The following ASIC2 variants were observed in gnomAD, a reference collection of about 807,000 sequenced individuals.
The protein encoded by ASIC2 is acid-sensing ion channel 2.
ASIC2 carries 25 observed loss-of-function variants against 57.3 expected under a neutral mutation model. The ratio of observed to expected loss-of-function variants is 0.44; its 90% CI spans 0.32 to 0.61. ASIC2 has a LOEUF of 0.61. Among genes scored for constraint, ASIC2 ranks in the 20% least tolerant of loss-of-function variants. The probability of loss-of-function intolerance (pLI) is 0.06; values close to 1 mark genes in which losing one functional copy is unlikely to be tolerated. For synonymous variants in ASIC2, 319 were observed against 307.5 expected (o/e 1.04, Z -0.39); for missense variants, 641 against 738.1 (o/e 0.87, Z 1.52).
At chr17:33,703,419 C>A (rs1046452325) in intron 1 of ASIC2, among the ~76,000 whole-genome samples, 1 of 151,576 alleles carries the variant, frequency 6.6e-6, no homozygotes, top group African/African-American at 2.4e-5. Context: ...GTGGCATGAT[C>A]TCTGCTTACT....
At position 33,827,596 on chromosome 17, in the gene ASIC2, G is replaced by C. The variant is rs1311747540; in HGVS notation, c.555+328382C>G. ...CCTGACCAAGTGATCCACCTGCCTC[G>C]GCCTCCCAAAGTGCTGGGATTACAG... On this transcript the variant is annotated intron_variant, in intron 1 of 9. Coordinates refer to the ASIC2 transcript ENST00000359872. 6 of 150,348 alleles carry C rather than the reference G, an allele frequency of 4.0e-5. No individual in the cohort carries two copies. In the East Asian group the frequency reaches 1.2e-3, roughly 29 times the overall value. The allele number at this position is 150,348 out of a possible 1,614,324, so 9.3% of individuals were successfully genotyped here. A position where few individuals can be genotyped will look rare whatever the true frequency, so the allele number is the denominator to read the frequency against.
chr17:33,410,384 A>G (rs575566681), intron 1 of ASIC2, among the ~76,000 whole-genome samples: 2 of 152,236 alleles, frequency 1.3e-5, no homozygotes, highest in Non-Finnish European at 2.9e-5. Flanking sequence ...AGAAGAACAT[A>G]TCAATTGCAA....
intron 1 of ASIC2, among the ~76,000 whole-genome samples, chr17:33,877,559 G>A (rs1914580905): frequency 6.6e-6 from 1 of 152,214 alleles, no homozygotes; most frequent in Admixed American, 6.5e-5. Flanking sequence ...TGAGGCTGGG[G>A]GAGGGGCACC....
At chr17:33,108,849 G>A (rs936755249) in intron 2 of ASIC2, among the ~76,000 whole-genome samples, 1 of 152,130 alleles carries the variant, frequency 6.6e-6, no homozygotes, top group African/African-American at 2.4e-5. Context: ...TCATGGTGAG[G>A]GGATTGCCAG....
At chr17:33,897,914 G>A (rs1473045984) in intron 1 of ASIC2, among the ~76,000 whole-genome samples, 5 of 152,168 alleles carry the variant, frequency 3.3e-5, no homozygotes, top group African/African-American at 9.7e-5. Context: ...GGCAGAAATC[G>A]AAGATGGATG....
At chr17:33,844,471 G>A (rs1009941202) in intron 1 of ASIC2, among the ~76,000 whole-genome samples, 11 of 152,092 alleles carry the variant, frequency 7.2e-5, no homozygotes, top group Admixed American at 1.3e-4. Flanking sequence ...TCATAAAATC[G>A]ACTGTTGCCG....
chr17:33,957,727 ATAT>A (rs991437615), intron 1 of ASIC2, among the ~76,000 whole-genome samples: 1 of 152,162 alleles, frequency 6.6e-6, no homozygotes, highest in Non-Finnish European at 1.5e-5. Flanking sequence ...ACACCCAAAC[ATAT>A]TATTCCACTC....
At chr17:33,147,280 G>A (rs1054294432) in intron 1 of ASIC2, among the ~76,000 whole-genome samples, 1 of 152,322 alleles carries the variant, frequency 6.6e-6, no homozygotes, top group African/African-American at 2.4e-5. Context: ...ACCAGTTGAA[G>A]CAAACATTTG....
At chr17:33,725,835 C>T (rs917911906) in intron 1 of ASIC2, among the ~76,000 whole-genome samples, 6 of 151,624 alleles carry the variant, frequency 4.0e-5, no homozygotes, top group African/African-American at 1.5e-4. Context: ...TTGTGGCTCA[C>T]AAACCGCTGT....
Position 33,392,196 on chromosome 17 carries a change from CTCCTTCCTTCCT to C in ASIC2, c.556-280141_556-280130del, listed in dbSNP as rs377322524. 7.1e-3 allele frequency among the ~76,000 whole-genome samples: 268 copies of C among 37,832 alleles called. 2 individuals are homozygous for C. The highest frequency in any genetic ancestry group is 0.028 in the Middle Eastern group (2 of 72). 24.8% of individuals were successfully genotyped at this position (37,832 alleles called of 152,430 possible). ...CTTCCTTCCTTCCTTCCTTCCTTCC[CTCCTTCCTTCCT>C]TCCTTCCTTCCTTCCTTCCTTCCTT... On this transcript the variant is annotated intron_variant, in intron 1 of 9. Coordinates refer to the ASIC2 transcript ENST00000359872.
chr17:34,120,739 CTTT>C (rs869228239), intron 1 of ASIC2, among the ~76,000 whole-genome samples: 90 of 69,996 alleles, frequency 1.3e-3, no homozygotes, highest in African/African-American at 4.4e-3. Flanking sequence ...TTTTTTTTTT[CTTT>C]TTTTTTTTTT....
chr17:33,133,789 A>G (rs1029408493), intron 1 of ASIC2, among the ~76,000 whole-genome samples: 6 of 152,214 alleles, frequency 3.9e-5, no homozygotes, highest in African/African-American at 1.4e-4. Context: ...TACCATCAAA[A>G]GGATAGAGGA....
At chr17:33,589,671 C>G (rs1377595484) in intron 1 of ASIC2, among the ~76,000 whole-genome samples, 2 of 152,200 alleles carry the variant, frequency 1.3e-5, no homozygotes, top group Admixed American at 1.3e-4. Context: ...CCTTAGGATT[C>G]ATCCAAGTTG....
chr17:34,030,407 G>A (rs1296733900), intron 1 of ASIC2, among the ~76,000 whole-genome samples: 12 of 152,186 alleles, frequency 7.9e-5, no homozygotes, highest in African/African-American at 2.7e-4. Flanking sequence ...GAACAGCTCC[G>A]GTCTACAGCT....
chr17:33,253,011 G>T (rs1281253518), intron 1 of ASIC2, among the ~76,000 whole-genome samples: 1 of 152,214 alleles, frequency 6.6e-6, no homozygotes, highest in Non-Finnish European at 1.5e-5. Context: ...TGTATGTTAA[G>T]CTCCAATCGA....
intron 1 of ASIC2, among the ~76,000 whole-genome samples, chr17:33,890,043 G>A (rs1053138064): frequency 7.9e-5 from 12 of 152,064 alleles, no homozygotes; most frequent in African/African-American, 2.9e-4. Context: ...CTCTCTAAAG[G>A]TGCACTGTTC....
At chr17:34,095,643 A>T (rs1332497121) in intron 1 of ASIC2, among the ~76,000 whole-genome samples, 16 of 136,620 alleles carry the variant, frequency 1.2e-4, no homozygotes, top group African/African-American at 4.3e-4. Flanking sequence ...TTATATATAT[A>T]TATATATATA....
chr17:33,271,879 G>A (rs1904506513), intron 1 of ASIC2, among the ~76,000 whole-genome samples: 1 of 152,204 alleles, frequency 6.6e-6, no homozygotes, highest in African/African-American at 2.4e-5. Flanking sequence ...TCATCTCCAA[G>A]TTCAGCCCAG....
At chr17:33,640,830 G>A (rs1450287267) in intron 1 of ASIC2, among the ~76,000 whole-genome samples, 1 of 152,178 alleles carries the variant, frequency 6.6e-6, no homozygotes, top group Non-Finnish European at 1.5e-5. Flanking sequence ...GCTGGCCTGC[G>A]AGAGTCAGGT....
Sources: allele counts gnomAD v4.1 joint callset (sites outside exome capture counted in the v4.1 genomes callset), GRCh38; gene constraint gnomAD v4.1.1; transcripts MANE v1.5; gene names NCBI Gene and HGNC (gene_info 2026-07-23, HGNC 2026-07-21).